The following IRAK1BP1 variants were observed in gnomAD, a reference collection of about 807,000 sequenced individuals.
IRAK1BP1 encodes the protein interleukin 1 receptor associated kinase 1 binding protein 1.
A neutral mutation model predicts 28.0 loss-of-function variants in IRAK1BP1; 24 were observed. That is an observed-to-expected ratio of 0.86 (90% CI 0.62 to 1.20). The LOEUF (loss-of-function observed/expected upper bound fraction) is 1.20, where lower values mean the gene tolerates loss of function less well. IRAK1BP1 is among the 50% of genes most tolerant of loss of function. The pLI is 0.00. For missense variants in IRAK1BP1, 336 were observed against 316.7 expected, an observed-to-expected ratio of 1.06 and a Z score of -0.46; for synonymous variants, 131 against 116.3, an observed-to-expected ratio of 1.13 and a Z score of -0.81.
At chr6:78,954,835 C>T in the IRAK1BP1 span, 36 of 1,581,248 alleles carry the variant, frequency 2.3e-5, no homozygotes, top group Middle Eastern at 5.0e-4. Flanking sequence ...GGAGATCTAC[C>T]GGCTGACGGA....
chr6:78,955,751 C>G, the IRAK1BP1 span: 6 of 590,316 alleles, frequency 1.0e-5, no homozygotes, highest in East Asian at 1.7e-4. Flanking sequence ...AAAATTTGTT[C>G]GTAAAACCAT....
chr6:78,948,237 T>C (rs1332519204), downstream of IRAK1BP1, among the ~76,000 whole-genome samples: 2 of 152,154 alleles, frequency 1.3e-5, no homozygotes, highest in South Asian at 4.1e-4. Context: ...TAAGTTCTAG[T>C]AATCTCAACT....
the IRAK1BP1 span, chr6:78,969,985 A>G: frequency 1.1e-5 from 17 of 1,591,936 alleles, no homozygotes; most frequent in African/African-American, 2.0e-4. Context: ...GTTCAAATGT[A>G]TCTGAATCTT....
At chr6:78,911,873 C>T (rs1772432638) in intron 4 of IRAK1BP1, among the ~76,000 whole-genome samples, 1 of 152,146 alleles carries the variant, frequency 6.6e-6, no homozygotes, top group Non-Finnish European at 1.5e-5. Flanking sequence ...ATGCAGAGAA[C>T]TCAGACAGGC....
At chr6:78,965,851 T>G in the IRAK1BP1 span, 1 of 1,190,860 alleles carries the variant, frequency 8.4e-7, no homozygotes, top group Non-Finnish European at 1.2e-6. Flanking sequence ...TAATTGCTTC[T>G]GTGTTTAAAA....
chr6:78,873,253 T>C (rs1241000184), intron 1 of IRAK1BP1, among the ~76,000 whole-genome samples: 1 of 3,520 alleles, frequency 2.8e-4, no homozygotes, highest in Non-Finnish European at 5.4e-4. Flanking sequence ...AAACTCTGTC[T>C]CAAAAAAAAA....
the IRAK1BP1 span, chr6:78,969,974 T>A: frequency 6.3e-7 from 1 of 1,580,052 alleles, no homozygotes; most frequent in South Asian, 1.1e-5. Context: ...ACCTAAAAGA[T>A]GTTCAAATGT....
At chr6:78,945,535 T>C (rs1773762726) in exon 5 of IRAK1BP1, 2 of 1,277,128 alleles carry the variant, frequency 1.6e-6, no homozygotes, top group South Asian at 1.3e-5. Context: ...TTAAGAGTTA[T>C]TGAACCTAAA....
the IRAK1BP1 span, chr6:78,957,503 C>A: frequency 6.6e-6 from 1 of 151,208 alleles, no homozygotes. Context: ...GACCTGCATT[C>A]CTCAGTTAAA....
At chr6:78,947,223 C>T (rs1773868887), downstream of IRAK1BP1, among the ~76,000 whole-genome samples, 2 of 152,152 alleles carry the variant, frequency 1.3e-5, no homozygotes, top group Non-Finnish European at 2.9e-5. Context: ...TCTATTCTTT[C>T]TCATTTCGTT....
At chr6:78,909,957 A>C (rs1482997253) in intron 4 of IRAK1BP1, among the ~76,000 whole-genome samples, 1 of 152,180 alleles carries the variant, frequency 6.6e-6, no homozygotes, top group Non-Finnish European at 1.5e-5. Context: ...TTCCCACAAA[A>C]ATACAGGAAA....
the IRAK1BP1 span, chr6:78,958,372 T>TA: frequency 3.9e-6 from 3 of 776,256 alleles, no homozygotes; most frequent in African/African-American, 5.3e-5. Context: ...TGGCTACTCT[T>TA]AAATGTTTCT....
chr6:78,898,267 A>C lies in IRAK1BP1; in HGVS notation c.716A>C (p.His239Pro), dbSNP rs761634701. 1 of 1,612,054 alleles carries C rather than the reference A, an allele frequency of 6.2e-7. No individual in the cohort carries two copies. The change falls in exon 4 of 4, where the codon CAT (histidine) becomes CCT (proline). Residue 239 changes from histidine to proline, a missense_variant. By Grantham distance (77) the His-to-Pro change is moderately conservative. Coordinates refer to ENST00000369940, the MANE Select transcript of IRAK1BP1 (RefSeq NM_001010844.4). ...VQQKIKSATI[H>P]AASKVFITFE... The stretch of plus-strand genomic sequence containing the variant: ...CAAAAAATCAAAAGTGCAACAATAC[A>C]TGCTGCTTCAAAAGTATTTATAACT...
the IRAK1BP1 span, chr6:78,957,126 A>C: frequency 6.6e-6 from 1 of 152,110 alleles, no homozygotes; most frequent in Non-Finnish European, 1.5e-5. Context: ...GTATTTCATG[A>C]ATCTGACTTC....
intron 4 of IRAK1BP1, among the ~76,000 whole-genome samples, chr6:78,916,053 C>T (rs1018415313): frequency 2.6e-5 from 4 of 152,084 alleles, no homozygotes; most frequent in Admixed American, 6.6e-5. Context: ...TGTGAGCAGC[C>T]GGAGCAAGCA....
downstream of IRAK1BP1, among the ~76,000 whole-genome samples, chr6:78,907,512 G>A (rs1772290142): frequency 1.3e-5 from 2 of 152,082 alleles, no homozygotes; most frequent in Non-Finnish European, 1.5e-5. Flanking sequence ...AGGAACAGAA[G>A]ATCCTTTCCT....
chr6:78,872,162 G>T (rs1375353127), intron 1 of IRAK1BP1: 1 of 697,520 alleles, frequency 1.4e-6, no homozygotes, highest in East Asian at 2.7e-5. Context: ...GGTTCCTAGA[G>T]TTTCTCTGCA....
chr6:78,884,033 T>C (rs1234768444), intron 1 of IRAK1BP1, among the ~76,000 whole-genome samples: 3 of 152,208 alleles, frequency 2.0e-5, no homozygotes, highest in East Asian at 1.9e-4. Context: ...AAGGGAGAAC[T>C]ACCGTACTGT....
chr6:78,887,938 G>T (rs1771488988), intron 2 of IRAK1BP1, among the ~76,000 whole-genome samples: 1 of 151,968 alleles, frequency 6.6e-6, no homozygotes, highest in Admixed American at 6.6e-5. Context: ...CAATAGCCAA[G>T]ATATGGAAGC....
Sources: gnomAD v4.1 joint callset for allele counts (sites outside exome capture counted in the v4.1 genomes callset) on GRCh38, gnomAD v4.1.1 for gene constraint, MANE v1.5 for transcripts, NCBI Gene and HGNC (gene_info 2026-07-23, HGNC 2026-07-21) for gene names.